RASL11B: variants seen among roughly 807,000 people sequenced by gnomAD.
RASL11B encodes RAS like family 11 member B, also known as ras-like protein family member 11B.
RASL11B carries 14 observed loss-of-function variants against 22.9 expected under a neutral mutation model. That is an observed-to-expected ratio of 0.61 (90% CI 0.40 to 0.96). RASL11B has a LOEUF of 0.96. Among genes scored for constraint, RASL11B ranks in the 40% least tolerant of loss-of-function variants. The pLI is 0.00. For missense variants in RASL11B, 261 were observed against 322.0 expected (o/e 0.81, Z 1.45); for synonymous variants, 143 against 130.2 (o/e 1.10, Z -0.67).
rs554799808 is a variant in RASL11B, at chr4:52,862,347, A to G, written c.-161A>G. On this transcript the variant is annotated 5_prime_UTR_variant, in exon 1 of 4. Transcript: ENST00000248706. Reference sequence around the variant, plus strand: ...GGGTCTGGAGCCTGAGCCCTGCGGAACCTCGGCGCTCGGCCCCACCCCGCC... The same window carrying G: ...GGGTCTGGAGCCTGAGCCCTGCGGAGCCTCGGCGCTCGGCCCCACCCCGCC... 1.6e-5 allele frequency: 11 copies of G among 669,776 alleles called. 1 individual carries two copies. Among genetic ancestry groups the G allele is most frequent in the Admixed American group, 7.5e-5 (2 of 26,664 alleles). 41.5% of individuals were successfully genotyped at this position (669,776 alleles called of 1,614,324 possible). A position where few individuals can be genotyped will look rare whatever the true frequency, so the allele number is the denominator to read the frequency against.
At position 52,862,477 on chromosome 4, in the gene RASL11B, C is replaced by A. The variant is rs576339143; in HGVS notation, c.-31C>A. 1.9e-6 allele frequency: 3 copies of A among 1,599,084 alleles called. No homozygotes were observed. The highest frequency in any genetic ancestry group is 8.5e-7 in the Non-Finnish European group (1 of 1,174,390). ...GCTAGCATTCTCCAGTCCCTCAGTC[C>A]CTTCCCGCGCGGTGCGCCGCAGCCG... On this transcript the variant is annotated 5_prime_UTR_variant, in exon 1 of 4. Coordinates refer to ENST00000248706, the MANE Select transcript of RASL11B (RefSeq NM_023940.3).
chr4:52,863,615 C>T, intron 2 of RASL11B: 1 of 373,156 alleles, frequency 2.7e-6, no homozygotes, highest in Non-Finnish European at 4.9e-6. Context: ...AGTCAAGAAC[C>T]TCTCCCTTCA....
Position 52,864,636 on chromosome 4 carries a change from T to C in RASL11B, c.276+82T>C. The C allele has an allele frequency of 5.3e-6, 5 of 938,880 alleles. No individual in the cohort carries two copies. In the South Asian group the frequency reaches 6.7e-5, roughly 13 times the overall value. 58.2% of individuals were successfully genotyped at this position (938,880 alleles called of 1,614,324 possible). On this transcript the variant is annotated intron_variant, in intron 3 of 3. Coordinates refer to ENST00000248706, the MANE Select transcript of RASL11B (RefSeq NM_023940.3). ...CACTTCTTCTCAAAGTTCCTCATGCTGCAGGATCAGAGAAATTTGGGGAGT... is the reference window on the plus strand; with the variant it reads ...CACTTCTTCTCAAAGTTCCTCATGCCGCAGGATCAGAGAAATTTGGGGAGT...
intron 1 of RASL11B, 82 bp downstream of exon 1, chr4:52,862,731 TG>T: frequency 7.0e-7 from 1 of 1,425,036 alleles, no homozygotes. Flanking sequence ...TGGGGAGCGG[TG>T]GGAGCTGCAG....
At position 52,862,348 on chromosome 4, in the gene RASL11B, C is replaced by A. The variant is rs958932529; in HGVS notation, c.-160C>A. ...GGTCTGGAGCCTGAGCCCTGCGGAA[C>A]CTCGGCGCTCGGCCCCACCCCGCCC... On this transcript the variant is annotated 5_prime_UTR_variant, in exon 1 of 4. Coordinates refer to ENST00000248706, the MANE Select transcript of RASL11B (RefSeq NM_023940.3). The A allele has an allele frequency of 1.7e-5, 12 of 705,676 alleles. No individual in the cohort carries two copies. The highest frequency in any genetic ancestry group is 7.6e-5 in the African/African-American group (4 of 52,292). 43.7% of individuals were successfully genotyped at this position (705,676 alleles called of 1,614,324 possible). A position where few individuals can be genotyped will look rare whatever the true frequency, so the allele number is the denominator to read the frequency against.
At chr4:52,864,808 A>C (rs953406646) in intron 3 of RASL11B, among the ~76,000 whole-genome samples, 3 of 152,224 alleles carry the variant, frequency 2.0e-5, no homozygotes, top group Non-Finnish European at 4.4e-5. Context: ...AACCGAATGC[A>C]GTTGGAATTG....
chr4:52,864,835 G>A (rs1381848573), intron 3 of RASL11B, among the ~76,000 whole-genome samples: 1 of 152,148 alleles, frequency 6.6e-6, no homozygotes, highest in Non-Finnish European at 1.5e-5. Context: ...TCCTTGCTGT[G>A]GTTTAAAAGT....
In RASL11B at chr4:52,864,555, G is replaced by T. The variant is rs1418925016; in HGVS notation, c.276+1G>T. ...GGTTCAAGACACTCCAGGTATTCAG[G>T]TGAGAAGCTCTGAGACTCTGGGTGA... On this transcript the variant is annotated splice_donor_variant, in intron 3 of 3. Coordinates refer to ENST00000248706, the MANE Select transcript of RASL11B (RefSeq NM_023940.3). LOFTEE classifies it high-confidence loss of function. 6.3e-7 allele frequency: 1 copy of T among 1,598,624 alleles called. No homozygotes were observed. Among genetic ancestry groups the T allele is most frequent in the Admixed American group, 1.7e-5 (1 of 60,002 alleles).
In RASL11B at chr4:52,862,587, G is replaced by C; in HGVS notation, c.80G>C (p.Gly27Ala). The change falls in exon 1 of 4, where the codon GGC becomes GCC. Residue 27 changes from glycine to alanine, a missense_variant. Gly to Ala is a moderately conservative substitution (Grantham distance 60). Coordinates refer to ENST00000248706, the MANE Select transcript of RASL11B (RefSeq NM_023940.3). ...GCCGCGGCCTCCGACTGCTGTGTGG[G>C]CGCCGCCGGCCGCCGCCTGGTCAAG... Reference protein sequence around the residue: ...GNAAASDCCVGAAGRRLVKIA... With the variant: ...GNAAASDCCVAAAGRRLVKIA... 1 of 1,601,234 alleles carries C rather than the reference G, an allele frequency of 6.2e-7. No individual in the cohort carries two copies. Among genetic ancestry groups the C allele is most frequent in the South Asian group, 1.1e-5 (1 of 90,498 alleles).
At chr4:52,865,034 C>T (rs978118348) in intron 3 of RASL11B, among the ~76,000 whole-genome samples, 5 of 152,258 alleles carry the variant, frequency 3.3e-5, no homozygotes, top group African/African-American at 1.2e-4. Context: ...TCTTTACTTC[C>T]CCAGACTTAC....
chr4:52,865,776 G>A lies in RASL11B; in HGVS notation c.718G>A (p.Ala240Thr). 6.2e-7 allele frequency: 1 copy of A among 1,613,762 alleles called. No homozygotes were observed. Among genetic ancestry groups the A allele is most frequent in the Non-Finnish European group, 8.5e-7 (1 of 1,179,924 alleles). Reference protein sequence around the residue: ...LKRRFKQALSAKVRTVTSV With the variant: ...LKRRFKQALSTKVRTVTSV ...GAGGAGGTTTAAGCAAGCCCTCTCT[G>A]CCAAAGTGAGGACTGTCACCTCCGT... Residue 240 changes from alanine (A) to threonine (T), a missense_variant, in exon 4 of 4, where the codon GCC becomes ACC. By Grantham distance (58) the Ala-to-Thr change is moderately conservative (BLOSUM62 0). Coordinates refer to ENST00000248706, the MANE Select transcript of RASL11B (RefSeq NM_023940.3).
intron 2 of RASL11B, among the ~76,000 whole-genome samples, chr4:52,863,844 T>A (rs1232527828): frequency 6.6e-6 from 1 of 152,186 alleles, no homozygotes; most frequent in Non-Finnish European, 1.5e-5. Context: ...GAGGACACAT[T>A]TTTCAATCCT....
intron 1 of RASL11B, 80 bp from the exon 2 acceptor site, chr4:52,863,188 G>T: frequency 7.7e-7 from 1 of 1,298,828 alleles, no homozygotes; most frequent in South Asian, 1.2e-5. Context: ...TGGGAGAACT[G>T]TTTTCCAGGC....
Position 52,866,629 on chromosome 4 carries a change from G to C in RASL11B, c.*824G>C, listed in dbSNP as rs1180733974. 4 of 152,582 alleles carry C rather than the reference G, an allele frequency of 2.6e-5. No individual in the cohort carries two copies. Among genetic ancestry groups the C allele is most frequent in the Non-Finnish European group, 5.9e-5 (4 of 68,032 alleles). 9.5% of individuals were successfully genotyped at this position (152,582 alleles called of 1,614,324 possible). On this transcript the variant is annotated 3_prime_UTR_variant, in exon 4 of 4. Coordinates refer to ENST00000248706, the MANE Select transcript of RASL11B (RefSeq NM_023940.3). ...GATTTTGGTGTGACTTGTGTAAATG[G>C]TTCATGGCAATGACGTTGGGTTGCT...
chr4:52,862,463 C>A lies in RASL11B; in HGVS notation c.-45C>A, dbSNP rs771120610. ...CGCTCCCGCGCAGCGCTAGCATTCT[C>A]CAGTCCCTCAGTCCCTTCCCGCGCG... On this transcript the variant is annotated 5_prime_UTR_variant, in exon 1 of 4. Coordinates refer to ENST00000248706, the MANE Select transcript of RASL11B (RefSeq NM_023940.3). 9 of 1,582,516 alleles carry A rather than the reference C, an allele frequency of 5.7e-6. No homozygotes were observed. Among genetic ancestry groups the A allele is most frequent in the Non-Finnish European group, 7.7e-6 (9 of 1,166,806 alleles).
intron 1 of RASL11B, 45 bp from the exon 2 acceptor site, chr4:52,863,223 A>G (rs570411368): frequency 6.0e-5 from 94 of 1,577,034 alleles, no homozygotes; most frequent in South Asian, 3.6e-4. Context: ...AGAACAATCT[A>G]ACTTCCAAGG....
Position 52,863,362 on chromosome 4 carries a change from C to T in RASL11B, c.199+38C>T, listed in dbSNP as rs1308023414. 1.9e-6 allele frequency: 3 copies of T among 1,547,068 alleles called. No individual in the cohort carries two copies. In the South Asian group the frequency reaches 3.4e-5, roughly 17 times the overall value. On this transcript the variant is annotated intron_variant, in intron 2 of 3. Transcript: ENST00000248706. The stretch of plus-strand genomic sequence containing the variant: ...ATTTGAGAAAAATTCTGTCCCATTG[C>T]AGGAGGACTGCGGTTCCCATTTTCC...
rs1560463478 is a variant in RASL11B, at chr4:52,863,265, C to G, written c.143-3C>G. On this transcript the variant is annotated splice_region_variant and splice_polypyrimidine_tract_variant and intron_variant, in intron 1 of 3. Coordinates refer to ENST00000248706, the MANE Select transcript of RASL11B (RefSeq NM_023940.3). ...CTTTGACGTTCTTTTTTCTGACGTG[C>G]AGCACTGGTGGTCCGGTTCCTCACC... 6.2e-7 allele frequency: 1 copy of G among 1,613,238 alleles called. No homozygotes were observed. The highest frequency in any genetic ancestry group is 8.5e-7 in the Non-Finnish European group (1 of 1,179,420).
chr4:52,866,075 A>G lies in RASL11B; in HGVS notation c.*270A>G. ...TTTTCCTTTAGAGTGGGGAGGGGGC[A>G]TAATCGTTTCGGTTTCTGCATTCAA... On this transcript the variant is annotated 3_prime_UTR_variant, in exon 4 of 4. Transcript: ENST00000248706. 2.1e-6 allele frequency: 1 copy of G among 471,110 alleles called. No individual in the cohort carries two copies. The highest frequency in any genetic ancestry group is 3.8e-6 in the Non-Finnish European group (1 of 263,722). 29.2% of individuals were successfully genotyped at this position (471,110 alleles called of 1,614,324 possible).
Sources: allele counts gnomAD v4.1 joint callset (sites outside exome capture counted in the v4.1 genomes callset), GRCh38; gene constraint gnomAD v4.1.1; transcripts MANE v1.5; gene names NCBI Gene and HGNC (gene_info 2026-07-23, HGNC 2026-07-21).